RAP1A: variants seen among roughly 807,000 people sequenced by gnomAD.
The protein encoded by RAP1A is RAP1A, member of RAS oncogene family, also known as ras-related protein Rap-1A.
Under a neutral mutation model 26.4 loss-of-function variants are expected in RAP1A, and 6 were observed. The observed-to-expected ratio is 0.23, with a 90% confidence interval of 0.12 to 0.45. The LOEUF (loss-of-function observed/expected upper bound fraction) is 0.45, where lower values mean the gene tolerates loss of function less well. Among genes scored for constraint, RAP1A ranks in the 20% least tolerant of loss-of-function variants. The pLI is 0.99. For missense variants in RAP1A, 121 were observed against 217.2 expected, an observed-to-expected ratio of 0.56 and a Z score of 2.78; for synonymous variants, 73 against 79.4, an observed-to-expected ratio of 0.92 and a Z score of 0.43.
intron 1 of RAP1A, among the ~76,000 whole-genome samples, chr1:111,690,979 A>G (rs1377751307): frequency 6.6e-6 from 1 of 152,248 alleles, no homozygotes; most frequent in African/African-American, 2.4e-5. Flanking sequence ...ATGTTTTTAA[A>G]CAGTACATAA....
At chr1:111,591,420 C>T (rs554650184) in intron 1 of RAP1A, among the ~76,000 whole-genome samples, 1 of 152,286 alleles carries the variant, frequency 6.6e-6, no homozygotes, top group South Asian at 2.1e-4. Context: ...ACATGTGACT[C>T]ATTAATTTCC....
chr1:111,629,324 C>T (rs1368325851), intron 1 of RAP1A, among the ~76,000 whole-genome samples: 2 of 152,068 alleles, frequency 1.3e-5, no homozygotes, highest in East Asian at 1.9e-4. Flanking sequence ...TTTAGTCATT[C>T]TAGAACCTGA....
chr1:111,603,426 C>T (rs1658708370), intron 1 of RAP1A, among the ~76,000 whole-genome samples: 1 of 152,178 alleles, frequency 6.6e-6, no homozygotes, highest in Non-Finnish European at 1.5e-5. Context: ...CCTTAGAATG[C>T]TGTGGAAATT....
At position 111,703,463 on chromosome 1, in the gene RAP1A, A is replaced by G. The variant is rs1411145108; in HGVS notation, c.311A>G (p.Lys104Arg). The G allele has an allele frequency of 6.3e-7, 1 of 1,592,064 alleles. No individual in the cohort carries two copies. Residue 104 changes from lysine to arginine, a missense_variant, in exon 5 of 8, where the codon AAG becomes AGG. By Grantham distance (26) the Lys-to-Arg change is conservative. Transcript: ENST00000369709. ...CTGAGGGAACAGATTTTACGGGTTAAGGACACGGAAGATGTAAGTATTTTT... is the reference window on the plus strand; with the variant it reads ...CTGAGGGAACAGATTTTACGGGTTAGGGACACGGAAGATGTAAGTATTTTT... ...QDLREQILRV[K>R]DTEDVPMILV...
intron 1 of RAP1A, among the ~76,000 whole-genome samples, chr1:111,626,894 C>T (rs1659417536): frequency 6.6e-6 from 1 of 152,042 alleles, no homozygotes; most frequent in Admixed American, 6.6e-5. Flanking sequence ...AATACAGGTA[C>T]TACTGAGTTT....
upstream of RAP1A, among the ~76,000 whole-genome samples, chr1:111,616,164 C>A (rs1659010320): frequency 6.6e-6 from 1 of 152,154 alleles, no homozygotes; most frequent in East Asian, 1.9e-4. Flanking sequence ...AAAGTGTCTA[C>A]CCAAATCATC....
At chr1:111,682,833 A>G in intron 1 of RAP1A, among the ~76,000 whole-genome samples, 1 of 152,224 alleles carries the variant, frequency 6.6e-6, no homozygotes, top group African/African-American at 2.4e-5. Flanking sequence ...CCTAATAGAC[A>G]TCTACAGAAC....
chr1:111,688,654 A>T lies in RAP1A; in HGVS notation c.-27-2680A>T, dbSNP rs575360973. Among the ~76,000 whole-genome samples, 33 of 150,944 alleles carry T rather than the reference A, an allele frequency of 2.2e-4. No homozygotes were observed. The East Asian group carries it at 6.2e-3, about 29-fold the overall frequency. ...ATATTTTAACTTTGTTTCTATCTAA[A>T]TTTTTTCCCTCTGGCTTCTTGTAAG... On this transcript the variant is annotated intron_variant, in intron 1 of 7. Coordinates refer to ENST00000369709, the MANE Select transcript of RAP1A (RefSeq NM_002884.4).
intron 4 of RAP1A, among the ~76,000 whole-genome samples, chr1:111,699,463 CTTTT>C (rs11435540): frequency 0.13 from 16,747 of 124,160 alleles, 1,305 homozygotes; most frequent in East Asian, 0.23. Flanking sequence ...CTCACTTCCT[CTTTT>C]TTTTTTTTTT....
At chr1:111,678,870 T>C (rs1194092440) in intron 1 of RAP1A, among the ~76,000 whole-genome samples, 1 of 152,158 alleles carries the variant, frequency 6.6e-6, no homozygotes, top group Non-Finnish European at 1.5e-5. Flanking sequence ...AGGATTGTCA[T>C]CTGTGGATAA....
chr1:111,635,730 T>TA (rs1281959775), intron 1 of RAP1A, among the ~76,000 whole-genome samples: 1 of 152,040 alleles, frequency 6.6e-6, no homozygotes, highest in Non-Finnish European at 1.5e-5. Context: ...CACACCCAGT[T>TA]AATCTTTTTA....
At chr1:111,587,859 TC>T (rs1305973583) in intron 1 of RAP1A, among the ~76,000 whole-genome samples, 1 of 152,200 alleles carries the variant, frequency 6.6e-6, no homozygotes, top group African/African-American at 2.4e-5. Flanking sequence ...CTCCTCAACA[TC>T]TGTTCCTTTT....
At chr1:111,693,103 G>A (rs1426909874) in intron 2 of RAP1A, among the ~76,000 whole-genome samples, 2 of 152,120 alleles carry the variant, frequency 1.3e-5, no homozygotes, top group African/African-American at 4.8e-5. Flanking sequence ...TAGGATTGGA[G>A]GATCTAGCAT....
upstream of RAP1A, among the ~76,000 whole-genome samples, chr1:111,619,505 T>C (rs1659096148): frequency 6.6e-6 from 1 of 152,220 alleles, no homozygotes; most frequent in Non-Finnish European, 1.5e-5. Flanking sequence ...TGTCGAATGA[T>C]TGAGTTCCCT....
chr1:111,568,178 C>T (rs543785766), intron 1 of RAP1A, among the ~76,000 whole-genome samples: 1 of 152,308 alleles, frequency 6.6e-6, no homozygotes, highest in East Asian at 1.9e-4. Context: ...TCTGTTCTTG[C>T]ATTACTATAA....
chr1:111,656,980 T>A (rs1660480429), intron 1 of RAP1A, among the ~76,000 whole-genome samples: 1 of 152,166 alleles, frequency 6.6e-6, no homozygotes, highest in Non-Finnish European at 1.5e-5. Context: ...GAAACTTGAT[T>A]CCATTAAACA....
chr1:111,676,726 A>G (rs1237706491), intron 1 of RAP1A, among the ~76,000 whole-genome samples: 3 of 151,960 alleles, frequency 2.0e-5, no homozygotes, highest in African/African-American at 4.8e-5. Context: ...CCCCTGTGCC[A>G]CCACCACTGG....
chr1:111,590,425 G>C (rs938450475), intron 1 of RAP1A, among the ~76,000 whole-genome samples: 4 of 151,500 alleles, frequency 2.6e-5, no homozygotes, highest in African/African-American at 9.8e-5. Flanking sequence ...AATTTTGGAT[G>C]AATATCCTTT....
At chr1:111,585,698 G>A (rs549635294) in intron 1 of RAP1A, among the ~76,000 whole-genome samples, 1 of 152,298 alleles carries the variant, frequency 6.6e-6, no homozygotes, top group East Asian at 1.9e-4. Context: ...TGCTAAAGGA[G>A]GGAATTGGTT....
Sources: gnomAD v4.1 joint callset for allele counts (sites outside exome capture counted in the v4.1 genomes callset) on GRCh38, gnomAD v4.1.1 for gene constraint, MANE v1.5 for transcripts, NCBI Gene and HGNC (gene_info 2026-07-23, HGNC 2026-07-21) for gene names.